Variants in BICDL1 observed in about 807,000 individuals in gnomAD.
BICDL1 encodes BICD family like cargo adaptor 1.
In BICDL1, 20 loss-of-function variants were observed where a neutral mutation model predicts 76.8. The observed-to-expected ratio is 0.26, with a 90% CI of 0.18 to 0.38. The LOEUF is 0.38. Among genes scored for constraint, BICDL1 ranks in the 10% least tolerant of loss-of-function variants. The pLI is 1.00. For synonymous variants in BICDL1, 383 were observed against 337.1 expected, an observed-to-expected ratio of 1.14 and a Z score of -1.49; for missense variants, 700 against 798.6, an observed-to-expected ratio of 0.88 and a Z score of 1.49.
At chr12:120,064,107 C>T (rs889471914) in intron 3 of BICDL1, among the ~76,000 whole-genome samples, 1 of 152,160 alleles carries the variant, frequency 6.6e-6, no homozygotes, top group African/African-American at 2.4e-5. Flanking sequence ...TGAGTAAAGT[C>T]AGCATTCACT....
intron 2 of BICDL1, among the ~76,000 whole-genome samples, chr12:120,054,074 CTTTT>C (rs35079479): frequency 1.4e-5 from 2 of 140,476 alleles, no homozygotes; most frequent in Non-Finnish European, 1.5e-5. Flanking sequence ...AAAATTGTAA[CTTTT>C]TTTTTTTTTT....
Position 120,094,463 on chromosome 12 carries a change from G to A in BICDL1, c.*1302G>A, listed in dbSNP as rs1875250811. The stretch of plus-strand genomic sequence containing the variant: ...CACACCACTGCTTCTTTTGAAAATA[G>A]TCTGAATAAGAATAAAATGAATTTC... On this transcript the variant is annotated 3_prime_UTR_variant, in exon 10 of 10. Coordinates refer to ENST00000548673, the MANE Select transcript of BICDL1 (RefSeq NM_001367886.1). 1 of 311,736 alleles carries A rather than the reference G, an allele frequency of 3.2e-6. No individual in the cohort carries two copies. Among genetic ancestry groups the A allele is most frequent in the African/African-American group, 2.2e-5 (1 of 46,020 alleles). The allele number at this position is 311,736 out of a possible 1,614,324, so 19.3% of individuals were successfully genotyped here. A position where few individuals can be genotyped will look rare whatever the true frequency, so the allele number is the denominator to read the frequency against.
At chr12:120,048,870 A>AT (rs1210889221) in intron 2 of BICDL1, among the ~76,000 whole-genome samples, 8 of 151,384 alleles carry the variant, frequency 5.3e-5, no homozygotes, top group African/African-American at 1.9e-4. Flanking sequence ...TTTCTTGGAG[A>AT]TTTTTTTCTT....
intron 7 of BICDL1, among the ~76,000 whole-genome samples, chr12:120,074,925 G>A (rs1873416416): frequency 1.3e-5 from 2 of 152,192 alleles, no homozygotes; most frequent in South Asian, 2.1e-4. Context: ...GCTGGGCAGG[G>A]AAGTTTGCAA....
intron 2 of BICDL1, among the ~76,000 whole-genome samples, chr12:120,010,911 A>T (rs1252539588): frequency 1.3e-5 from 2 of 152,220 alleles, no homozygotes; most frequent in African/African-American, 4.8e-5. Flanking sequence ...CATCTCTTTG[A>T]TAATAAATGA....
At chr12:119,997,806 G>A (rs1951680709) in intron 1 of BICDL1, among the ~76,000 whole-genome samples, 1 of 151,962 alleles carries the variant, frequency 6.6e-6, no homozygotes, top group South Asian at 2.1e-4. Context: ...GACTCCAAAG[G>A]AAGCCTCCTT....
rs1293977848 is a variant in BICDL1, at chr12:120,021,610, AGAG to A, written c.645+22875_645+22877del. On this transcript the variant is annotated intron_variant, in intron 2 of 9. Coordinates refer to ENST00000548673, the MANE Select transcript of BICDL1 (RefSeq NM_001367886.1). ...TCAAAAAAAAAAAAAAAAAAAAAAA[AGAG>A]AATCAGCCAGGTGTGGTGGCTCATG... Among the ~76,000 whole-genome samples, 52 of 143,196 alleles carry A rather than the reference AGAG, an allele frequency of 3.6e-4. 1 individual carries two copies. Among genetic ancestry groups the A allele is most frequent in the Non-Finnish European group, 7.2e-4 (48 of 66,290 alleles). 93.9% of individuals were successfully genotyped at this position (143,196 alleles called of 152,430 possible).
intron 9 of BICDL1, chr12:120,092,585 C>G (rs1875070151): frequency 1.0e-6 from 1 of 985,324 alleles, no homozygotes. Context: ...TGAGGTGGCC[C>G]TAGGGCCTGC....
intron 2 of BICDL1, among the ~76,000 whole-genome samples, chr12:120,009,113 G>T (rs1368397914): frequency 6.6e-6 from 1 of 152,082 alleles, no homozygotes; most frequent in Admixed American, 6.5e-5. Context: ...TCAGCGTCCC[G>T]AGTAGCTGGG....
intron 2 of BICDL1, among the ~76,000 whole-genome samples, chr12:120,033,224 A>G (rs1246150758): frequency 2.0e-5 from 3 of 152,082 alleles, no homozygotes; most frequent in African/African-American, 7.2e-5. Flanking sequence ...TTCACATATC[A>G]AGACCCAAAC....
chr12:120,064,719 C>T lies in BICDL1; in HGVS notation c.763-14C>T. On this transcript the variant is annotated splice_polypyrimidine_tract_variant and intron_variant, in intron 3 of 9. Coordinates refer to ENST00000548673, the MANE Select transcript of BICDL1 (RefSeq NM_001367886.1). ...GTAACTCCACACCACCCCTGTGGCT[C>T]TCCACCCTTTCAGATCAAGATGCTG... 1 of 1,599,116 alleles carries T rather than the reference C, an allele frequency of 6.3e-7. No individual in the cohort carries two copies.
intron 2 of BICDL1, among the ~76,000 whole-genome samples, chr12:120,048,272 G>C (rs931321770): frequency 2.0e-5 from 3 of 151,912 alleles, no homozygotes; most frequent in African/African-American, 7.3e-5. Context: ...GCTTGCTGTA[G>C]CCTTGAACTC....
At chr12:120,031,377 T>C (rs1419198548) in intron 2 of BICDL1, among the ~76,000 whole-genome samples, 2 of 152,050 alleles carry the variant, frequency 1.3e-5, no homozygotes, top group Non-Finnish European at 2.9e-5. Context: ...CTAATTTTTT[T>C]GTATTTTTAG....
At chr12:120,056,973 G>T in intron 2 of BICDL1, 1 of 462,250 alleles carries the variant, frequency 2.2e-6, no homozygotes, top group South Asian at 1.6e-5. Context: ...CCTGTGCCAA[G>T]CCCTGGGTTG....
At chr12:120,021,559 C>G (rs1952180081) in intron 2 of BICDL1, among the ~76,000 whole-genome samples, 1 of 138,682 alleles carries the variant, frequency 7.2e-6, no homozygotes, top group Non-Finnish European at 1.5e-5. Context: ...TGCACTCCAC[C>G]CTGGGTGACA....
At chr12:120,061,034 G>T (rs1035287459) in intron 2 of BICDL1, among the ~76,000 whole-genome samples, 37 of 152,246 alleles carry the variant, frequency 2.4e-4, no homozygotes, top group African/African-American at 7.5e-4. Flanking sequence ...ACCCTCAGGA[G>T]GAGGGCTGGA....
chr12:120,048,637 T>C (rs940858252), intron 2 of BICDL1, among the ~76,000 whole-genome samples: 1 of 152,196 alleles, frequency 6.6e-6, no homozygotes, highest in South Asian at 2.1e-4. Flanking sequence ...AGGCATCTCC[T>C]CTGGGCCTCA....
intron 7 of BICDL1, among the ~76,000 whole-genome samples, chr12:120,078,663 C>T (rs1873748009): frequency 6.6e-6 from 1 of 152,140 alleles, no homozygotes; most frequent in South Asian, 2.1e-4. Context: ...ATGTATAGCT[C>T]AAAGAGGGCA....
At chr12:120,070,837 T>G (rs1440946231) in intron 4 of BICDL1, among the ~76,000 whole-genome samples, 1 of 151,706 alleles carries the variant, frequency 6.6e-6, no homozygotes, top group Non-Finnish European at 1.5e-5. Flanking sequence ...GTTCAAGCGA[T>G]TCTCCTGCCT....
Sources: gnomAD v4.1 joint callset for allele counts (sites outside exome capture counted in the v4.1 genomes callset) on GRCh38, gnomAD v4.1.1 for gene constraint, MANE v1.5 for transcripts, NCBI Gene and HGNC (gene_info 2026-07-23, HGNC 2026-07-21) for gene names.